PALLD: variants seen among roughly 807,000 people sequenced by gnomAD.
PALLD encodes the protein palladin.
In PALLD, 61 loss-of-function variants were observed where a neutral mutation model predicts 123.5. The observed-to-expected ratio is 0.49, with a 90% CI of 0.40 to 0.61. The LOEUF (loss-of-function observed/expected upper bound fraction) is 0.61, where lower values mean the gene tolerates loss of function less well. Among genes scored for constraint, PALLD ranks in the 20% least tolerant of loss-of-function variants. The pLI, the probability that PALLD is intolerant of heterozygous loss-of-function variation, is 0.00. For synonymous variants in PALLD, 465 were observed against 496.4 expected (o/e 0.94, Z 0.84); for missense variants, 1,273 against 1,377.0 (o/e 0.92, Z 1.20).
At chr4:168,601,563 A>T (rs554544515) in intron 2 of PALLD, among the ~76,000 whole-genome samples, 93 of 151,948 alleles carry the variant, frequency 6.1e-4, no homozygotes, top group African/African-American at 1.9e-3. Flanking sequence ...GCCAAATCAA[A>T]CTCCATTCCT....
chr4:168,824,672 T>C (rs1743171469), intron 10 of PALLD, among the ~76,000 whole-genome samples: 1 of 152,094 alleles, frequency 6.6e-6, no homozygotes, highest in Non-Finnish European at 1.5e-5. Flanking sequence ...AAAAAAAATC[T>C]TAATTTTTTT....
intron 2 of PALLD, among the ~76,000 whole-genome samples, chr4:168,653,992 A>AT (rs35311370): frequency 0.16 from 23,497 of 148,926 alleles, 2,149 homozygotes; most frequent in East Asian, 0.29. Flanking sequence ...GAGATCAGTT[A>AT]TTTTTTTTTT....
At chr4:168,598,528 T>C (rs1400784033) in intron 2 of PALLD, 1 of 408,258 alleles carries the variant, frequency 2.4e-6, no homozygotes, top group African/African-American at 2.1e-5. Flanking sequence ...GCAAAGATGT[T>C]AACAGAGAGG....
At chr4:168,872,950 C>T (rs1751280466) in intron 10 of PALLD, among the ~76,000 whole-genome samples, 1 of 152,196 alleles carries the variant, frequency 6.6e-6, no homozygotes, top group African/African-American at 2.4e-5. Flanking sequence ...CTATTTTATA[C>T]ATTCCCAGAA....
intron 10 of PALLD, among the ~76,000 whole-genome samples, chr4:168,787,204 A>T (rs1238924601): frequency 1.3e-5 from 2 of 152,142 alleles, no homozygotes; most frequent in South Asian, 4.2e-4. Context: ...TATTTTTTCC[A>T]CAAGTATTTA....
chr4:168,733,080 G>C (rs1440604546), intron 10 of PALLD, among the ~76,000 whole-genome samples: 1 of 152,058 alleles, frequency 6.6e-6, no homozygotes, highest in Non-Finnish European at 1.5e-5. Flanking sequence ...TGTCATTTTG[G>C]GGGGTACATG....
chr4:168,739,820 A>G (rs2150342946), intron 10 of PALLD, among the ~76,000 whole-genome samples: 1 of 152,318 alleles, frequency 6.6e-6, no homozygotes, highest in Non-Finnish European at 1.5e-5. Flanking sequence ...TGCCCAAGAT[A>G]AGGGTACCTA....
intron 14 of PALLD, among the ~76,000 whole-genome samples, chr4:168,901,355 T>C (rs1257334520): frequency 6.6e-6 from 1 of 152,226 alleles, no homozygotes; most frequent in Non-Finnish European, 1.5e-5. Context: ...TACCCTGTTC[T>C]CGTGCTTGTG....
intron 2 of PALLD, among the ~76,000 whole-genome samples, chr4:168,652,003 G>A (rs1327538120): frequency 6.6e-6 from 1 of 152,072 alleles, no homozygotes; most frequent in Non-Finnish European, 1.5e-5. Flanking sequence ...CATAGCTGGT[G>A]GGGCAGAGGC....
chr4:168,631,909 C>T, intron 2 of PALLD: 1 of 985,278 alleles, frequency 1.0e-6, no homozygotes, highest in East Asian at 1.1e-4. Flanking sequence ...TGGTAAGTGG[C>T]AGCATTAAAT....
intron 10 of PALLD, among the ~76,000 whole-genome samples, chr4:168,883,922 TA>T (rs139916265): frequency 0.032 from 4,421 of 138,870 alleles, 174 homozygotes; most frequent in Admixed American, 0.13. Flanking sequence ...AATACTATTT[TA>T]TTTTTTTTTA....
intron 15 of PALLD, among the ~76,000 whole-genome samples, chr4:168,910,309 C>G (rs2151376467): frequency 7.0e-6 from 1 of 143,566 alleles, no homozygotes; most frequent in South Asian, 2.2e-4. Flanking sequence ...GCATATTTTT[C>G]CTCCTCCACA....
At chr4:168,909,755 C>A (rs1758525785) in intron 15 of PALLD, among the ~76,000 whole-genome samples, 1 of 152,126 alleles carries the variant, frequency 6.6e-6, no homozygotes, top group South Asian at 2.1e-4. Context: ...TCACTTATTG[C>A]TAATTCTATA....
chr4:168,857,104 C>T (rs1162159084), intron 10 of PALLD, among the ~76,000 whole-genome samples: 1 of 152,232 alleles, frequency 6.6e-6, no homozygotes, highest in Non-Finnish European at 1.5e-5. Flanking sequence ...GACCAGTCTT[C>T]CTTCTCTCGA....
At chr4:168,923,568 GAAT>G (rs1457681814) in intron 18 of PALLD, among the ~76,000 whole-genome samples, 1 of 147,624 alleles carries the variant, frequency 6.8e-6, no homozygotes. Flanking sequence ...GAATTTTTCA[GAAT>G]AGTACTAAAG....
At chr4:168,552,191 A>G (rs1013293143) in intron 2 of PALLD, among the ~76,000 whole-genome samples, 1 of 152,166 alleles carries the variant, frequency 6.6e-6, no homozygotes, top group African/African-American at 2.4e-5. Context: ...TTTGACATCA[A>G]TCTAAATAAG....
rs554096469 is a variant in PALLD, at chr4:168,849,953, A to G, written c.1965-40969A>G. Reference sequence around the variant, plus strand: ...TATATTTATTTTATTATGTATACTTACGAATGCATTTGCTCATCTTTGGTG... The same window carrying G: ...TATATTTATTTTATTATGTATACTTGCGAATGCATTTGCTCATCTTTGGTG... On this transcript the variant is annotated intron_variant, in intron 10 of 21. Coordinates refer to ENST00000505667, the MANE Select transcript of PALLD (RefSeq NM_001166108.2). 5.5e-4 allele frequency among the ~76,000 whole-genome samples: 84 copies of G among 152,286 alleles called. 1 individual carries two copies. The highest frequency in any genetic ancestry group is 2.0e-3 in the African/African-American group (83 of 41,562).
At chr4:168,659,953 C>G (rs1778971062) in intron 2 of PALLD, among the ~76,000 whole-genome samples, 2 of 152,154 alleles carry the variant, frequency 1.3e-5, no homozygotes, top group South Asian at 4.1e-4. Flanking sequence ...TTAACATAAG[C>G]TATTTGTAGT....
intron 10 of PALLD, among the ~76,000 whole-genome samples, chr4:168,794,831 A>G (rs1224735167): frequency 6.6e-6 from 1 of 152,230 alleles, no homozygotes; most frequent in Non-Finnish European, 1.5e-5. Context: ...CATTAGTAGT[A>G]GTGGTAGTCA....
Sources: gnomAD v4.1 joint callset for allele counts (sites outside exome capture counted in the v4.1 genomes callset) on GRCh38, gnomAD v4.1.1 for gene constraint, MANE v1.5 for transcripts, NCBI Gene and HGNC (gene_info 2026-07-23, HGNC 2026-07-21) for gene names.